KCNMB4: variants seen among roughly 807,000 people sequenced by gnomAD.
KCNMB4 encodes the protein potassium calcium-activated channel subfamily M regulatory beta subunit 4, also known as calcium-activated potassium channel subunit beta-4.
In KCNMB4, 3 loss-of-function variants were observed where a neutral mutation model predicts 20.7. The ratio of observed to expected loss-of-function variants is 0.14; its 90% CI spans 0.07 to 0.37. The LOEUF is 0.37. Ranked by LOEUF, KCNMB4 falls within the 10% of genes least tolerant of loss-of-function variation. KCNMB4 has a pLI of 1.00. For missense variants in KCNMB4, 168 were observed against 265.9 expected (o/e 0.63, Z 2.56); for synonymous variants, 110 against 113.4 (o/e 0.97, Z 0.19).
intron 2 of KCNMB4, among the ~76,000 whole-genome samples, chr12:70,405,481 A>G (rs1356820607): frequency 6.6e-6 from 1 of 152,182 alleles, no homozygotes; most frequent in Non-Finnish European, 1.5e-5. Flanking sequence ...CAAAAAAACA[A>G]AAGACAGGTA....
At chr12:70,430,248 A>G (rs1869324091) in intron 2 of KCNMB4, among the ~76,000 whole-genome samples, 1 of 152,202 alleles carries the variant, frequency 6.6e-6, no homozygotes, top group African/African-American at 2.4e-5. Context: ...TACATTTTTG[A>G]CACTTTGTAA....
At chr12:70,394,595 A>G (rs1435340828) in intron 1 of KCNMB4, among the ~76,000 whole-genome samples, 1 of 152,150 alleles carries the variant, frequency 6.6e-6, no homozygotes, top group Non-Finnish European at 1.5e-5. Flanking sequence ...AGGACTCTGT[A>G]TGTGTGTATG....
chr12:70,397,213 G>C (rs1868362032), intron 1 of KCNMB4, among the ~76,000 whole-genome samples: 1 of 152,026 alleles, frequency 6.6e-6, no homozygotes, highest in South Asian at 2.1e-4. Context: ...AGCTGGGTGT[G>C]GTGGAGTAGC....
At position 70,422,696 on chromosome 12, in the gene KCNMB4, C is replaced by T. The variant is rs746103877; in HGVS notation, c.465-7789C>T. 3 of 1,288,682 alleles carry T rather than the reference C, an allele frequency of 2.3e-6. 1 individual carries two copies. In the South Asian group the frequency reaches 3.7e-5, roughly 16 times the overall value. The allele number at this position is 1,288,682 out of a possible 1,614,324, so 79.8% of individuals were successfully genotyped here. ...AAGACAGAAAGTCATAAGCATCCTT[C>T]TGGTTTGCAGGTCTTGATGATTACC... On this transcript the variant is annotated intron_variant, in intron 2 of 2. Transcript: ENST00000258111.
At chr12:70,403,070 G>A (rs1306015744) in intron 2 of KCNMB4, among the ~76,000 whole-genome samples, 2 of 152,208 alleles carry the variant, frequency 1.3e-5, no homozygotes, top group Non-Finnish European at 2.9e-5. Flanking sequence ...ACTTGGAGAC[G>A]GGGTATACCC....
At chr12:70,429,052 A>T (rs2136145105) in intron 2 of KCNMB4, among the ~76,000 whole-genome samples, 1 of 152,350 alleles carries the variant, frequency 6.6e-6, no homozygotes, top group East Asian at 1.9e-4. Flanking sequence ...GCCAGTCTGT[A>T]AAACTATTTA....
rs536892206 is a variant in KCNMB4, at chr12:70,366,784, G to A, written c.50G>A (p.Ser17Asn). Residue 17 changes from serine (S) to asparagine (N), a missense_variant, in exon 1 of 3, where the codon AGC becomes AAC. Transcript: ENST00000258111. ...GAGTACACGGAAGCCGAGGACAAGAGCATCCGGCTCGGCTTGTTTCTCATC... is the reference window on the plus strand; with the variant it reads ...GAGTACACGGAAGCCGAGGACAAGAACATCCGGCTCGGCTTGTTTCTCATC... ...AYEYTEAEDK[S>N]IRLGLFLIIS... 1 of 1,611,888 alleles carries A rather than the reference G, an allele frequency of 6.2e-7. No homozygotes were observed. Among genetic ancestry groups the A allele is most frequent in the African/African-American group, 1.3e-5 (1 of 75,036 alleles).
intron 2 of KCNMB4, among the ~76,000 whole-genome samples, chr12:70,420,036 T>G (rs1285428290): frequency 6.6e-6 from 1 of 152,170 alleles, no homozygotes; most frequent in East Asian, 1.9e-4. Context: ...AAAGTAAATC[T>G]TATAACTCAG....
chr12:70,401,048 CAG>C (rs1868436212), intron 2 of KCNMB4, among the ~76,000 whole-genome samples: 2 of 152,202 alleles, frequency 1.3e-5, no homozygotes, highest in East Asian at 3.9e-4. Flanking sequence ...TGTTTTTAGA[CAG>C]AGTCTCACTC....
Position 70,366,585 on chromosome 12 carries a change from T to C in KCNMB4, c.-150T>C, listed in dbSNP as rs1157241551. On this transcript the variant is annotated 5_prime_UTR_variant, in exon 1 of 3. Transcript: ENST00000258111. ...GCGTCGCTGGCCTCGGCCCCTTTGT[T>C]CTCGCGCGCTCCCCCTCGCCGCCCA... 5 of 356,610 alleles carry C rather than the reference T, an allele frequency of 1.4e-5. No individual in the cohort carries two copies. Among genetic ancestry groups the C allele is most frequent in the African/African-American group, 2.2e-5 (1 of 45,048 alleles). 22.1% of individuals were successfully genotyped at this position (356,610 alleles called of 1,614,324 possible).
At chr12:70,404,361 A>T (rs1868537660) in intron 2 of KCNMB4, among the ~76,000 whole-genome samples, 2 of 152,158 alleles carry the variant, frequency 1.3e-5, no homozygotes, top group Admixed American at 6.5e-5. Context: ...GAAAGAAAGG[A>T]GAGTACTGAG....
chr12:70,408,502 T>C (rs1868675876), intron 2 of KCNMB4, among the ~76,000 whole-genome samples: 1 of 152,194 alleles, frequency 6.6e-6, no homozygotes, highest in African/African-American at 2.4e-5. Context: ...AGTCTTAGCT[T>C]TCCACTGGTT....
At chr12:70,406,479 G>C (rs1485578834) in intron 2 of KCNMB4, among the ~76,000 whole-genome samples, 3 of 152,154 alleles carry the variant, frequency 2.0e-5, no homozygotes, top group Non-Finnish European at 2.9e-5. Flanking sequence ...GTGCCCTGAA[G>C]AAAACGAGAC....
chr12:70,379,098 G>A (rs549503494), intron 1 of KCNMB4, among the ~76,000 whole-genome samples: 1 of 152,230 alleles, frequency 6.6e-6, no homozygotes, highest in African/African-American at 2.4e-5. Flanking sequence ...TATCATCCAG[G>A]CTTTCTTGTT....
chr12:70,379,003 T>C (rs1427714525), intron 1 of KCNMB4, among the ~76,000 whole-genome samples: 1 of 152,190 alleles, frequency 6.6e-6, no homozygotes, highest in Non-Finnish European at 1.5e-5. Flanking sequence ...AGCAGTAGTA[T>C]TTTGAAAGGA....
At chr12:70,387,452 G>GAGTGTGGTGGT (rs1399463366) in intron 1 of KCNMB4, among the ~76,000 whole-genome samples, 1 of 145,234 alleles carries the variant, frequency 6.9e-6, no homozygotes, top group Non-Finnish European at 1.5e-5. Flanking sequence ...GCCCAGGCTA[G>GAGTGTGGTGGT]AGTGTGGTGG....
chr12:70,423,842 C>T (rs1869135707), intron 2 of KCNMB4, among the ~76,000 whole-genome samples: 1 of 152,148 alleles, frequency 6.6e-6, no homozygotes, highest in African/African-American at 2.4e-5. Flanking sequence ...AAAATTGGCT[C>T]ATGATACTGT....
chr12:70,426,042 C>T (rs1430957461), intron 2 of KCNMB4, among the ~76,000 whole-genome samples: 2 of 151,964 alleles, frequency 1.3e-5, no homozygotes, highest in Non-Finnish European at 2.9e-5. Flanking sequence ...CGTCTGTAAT[C>T]CCAGCACTTT....
At chr12:70,417,254 G>A (rs1868935651) in intron 2 of KCNMB4, among the ~76,000 whole-genome samples, 2 of 152,188 alleles carry the variant, frequency 1.3e-5, no homozygotes, top group Admixed American at 6.5e-5. Flanking sequence ...TTTGGAGAAA[G>A]ACAGAATGTC....
Sources: allele counts gnomAD v4.1 joint callset (sites outside exome capture counted in the v4.1 genomes callset), GRCh38; gene constraint gnomAD v4.1.1; transcripts MANE v1.5; gene names NCBI Gene and HGNC (gene_info 2026-07-23, HGNC 2026-07-21).